HS3ST2: variants seen among roughly 807,000 people sequenced by gnomAD.
HS3ST2 encodes the protein heparan sulfate-glucosamine 3-sulfotransferase 2.
HS3ST2 carries 17 observed loss-of-function variants against 26.3 expected under a neutral mutation model. The ratio of observed to expected loss-of-function variants is 0.65; its 90% confidence interval spans 0.44 to 0.97. The LOEUF (loss-of-function observed/expected upper bound fraction) is 0.97, where lower values mean the gene tolerates loss of function less well. Ranked by LOEUF, HS3ST2 falls within the 50% of genes least tolerant of loss-of-function variation. HS3ST2 has a pLI of 0.00. For synonymous variants in HS3ST2, 237 were observed against 219.2 expected (o/e 1.08, Z -0.72); for missense variants, 402 against 501.2 (o/e 0.80, Z 1.89).
chr16:22,872,771 C>T (rs1198752151), intron 1 of HS3ST2, among the ~76,000 whole-genome samples: 1 of 152,142 alleles, frequency 6.6e-6, no homozygotes, highest in Non-Finnish European at 1.5e-5. Context: ...TAACATCATC[C>T]CAGAGAACCC....
At chr16:22,861,846 G>A (rs1901678967) in intron 1 of HS3ST2, among the ~76,000 whole-genome samples, 1 of 152,074 alleles carries the variant, frequency 6.6e-6, no homozygotes, top group Admixed American at 6.6e-5. Context: ...CCGCTTCCCT[G>A]CCTCGGGACC....
chr16:22,827,673 T>A (rs1047624030), intron 1 of HS3ST2, among the ~76,000 whole-genome samples: 31 of 151,566 alleles, frequency 2.0e-4, no homozygotes, highest in Non-Finnish European at 4.3e-4. Flanking sequence ...GTGTTGCTGC[T>A]GAGGTTGATG....
At chr16:22,909,380 G>A (rs193116845) in intron 1 of HS3ST2, among the ~76,000 whole-genome samples, 1 of 152,332 alleles carries the variant, frequency 6.6e-6, no homozygotes, top group Admixed American at 6.5e-5. Flanking sequence ...TAAAAGGGTT[G>A]CAGGGTGAGA....
intron 1 of HS3ST2, 67 bp downstream of exon 1, chr16:22,815,162 C>T: frequency 1.3e-6 from 2 of 1,578,544 alleles, no homozygotes; most frequent in African/African-American, 1.4e-5. Context: ...AGCCATCCGT[C>T]TCTTGTGTTT....
At chr16:22,856,576 A>T (rs961548706) in intron 1 of HS3ST2, among the ~76,000 whole-genome samples, 1 of 151,980 alleles carries the variant, frequency 6.6e-6, no homozygotes, top group Non-Finnish European at 1.5e-5. Context: ...CCACTAAGAA[A>T]CCCAACTCTC....
Position 22,875,369 on chromosome 16 carries a change from A to AATTTATTTATTTATTT in HS3ST2, c.486-39561_486-39546dup, listed in dbSNP as rs538593972. 4.6e-4 allele frequency among the ~76,000 whole-genome samples: 70 copies of AATTTATTTATTTATTT among 151,608 alleles called. 1 individual carries two copies. Among genetic ancestry groups the AATTTATTTATTTATTT allele is most frequent in the East Asian group, 1.5e-3 (8 of 5,164 alleles). On this transcript the variant is annotated intron_variant, in intron 1 of 1. Transcript: ENST00000261374. Reference sequence around the variant, plus strand: ...TGAAGACAGAAAAATACTTTTAATAAATTTATTTATTTATTTATTTATTTA... The same window carrying AATTTATTTATTTATTT: ...TGAAGACAGAAAAATACTTTTAATAAATTTATTTATTTATTTATTTATTTATTTATTTATTTATTTA...
intron 1 of HS3ST2, among the ~76,000 whole-genome samples, chr16:22,881,366 A>G (rs1190717735): frequency 6.6e-6 from 1 of 152,146 alleles, no homozygotes; most frequent in East Asian, 1.9e-4. Flanking sequence ...AGGAGGAGAC[A>G]GGGCTGAGTC....
At chr16:22,860,564 G>A (rs1035050881) in intron 1 of HS3ST2, among the ~76,000 whole-genome samples, 3 of 151,978 alleles carry the variant, frequency 2.0e-5, no homozygotes, top group Non-Finnish European at 4.4e-5. Flanking sequence ...TGCTTTTGGG[G>A]AAGGAGTCTG....
intron 1 of HS3ST2, among the ~76,000 whole-genome samples, chr16:22,910,642 T>C (rs1421585780): frequency 4.6e-5 from 7 of 152,232 alleles, no homozygotes; most frequent in Non-Finnish European, 7.3e-5. Flanking sequence ...ACAAATGCTA[T>C]TAATTGTCCT....
chr16:22,912,937 C>A (rs1253047892), intron 1 of HS3ST2, among the ~76,000 whole-genome samples: 1 of 151,982 alleles, frequency 6.6e-6, no homozygotes, highest in African/African-American at 2.4e-5. Context: ...GCCCTGCCTC[C>A]GGAGTCTAGA....
At chr16:22,876,652 T>C (rs1369949264) in intron 1 of HS3ST2, among the ~76,000 whole-genome samples, 7 of 152,076 alleles carry the variant, frequency 4.6e-5, no homozygotes, top group African/African-American at 1.4e-4. Context: ...GAAAAAGAAG[T>C]CATCATATGA....
chr16:22,893,015 A>T (rs547099193), intron 1 of HS3ST2, among the ~76,000 whole-genome samples: 12 of 152,204 alleles, frequency 7.9e-5, no homozygotes, highest in Non-Finnish European at 1.8e-4. Flanking sequence ...TAAAGTTTTA[A>T]TTGAGTTGTC....
Position 22,814,886 on chromosome 16 carries a change from C to A in HS3ST2, c.276C>A (p.Ala92=). The A allele has an allele frequency of 6.4e-7, 1 of 1,562,560 alleles. No homozygotes were observed. Among genetic ancestry groups the A allele is most frequent in the Non-Finnish European group, 8.7e-7 (1 of 1,154,450 alleles). Residue 92 remains alanine (A), a synonymous_variant, in exon 1 of 2, where the codon GCC becomes GCA. Coordinates refer to ENST00000261374, the MANE Select transcript of HS3ST2 (RefSeq NM_006043.2). The stretch of plus-strand genomic sequence containing the variant: ...GCGCTCCCAGCGCGCCCGCCGCCGC[C>A]GTGCCCGCCCCTCGCCTCTCCGGTT... ...EPSAPSAPAA[A]VPAPRLSGSN... is the part of the protein sequence containing the mutation.
intron 1 of HS3ST2, among the ~76,000 whole-genome samples, chr16:22,858,386 T>C (rs1195767566): frequency 6.6e-6 from 1 of 151,528 alleles, no homozygotes; most frequent in Non-Finnish European, 1.5e-5. Flanking sequence ...TCAAAAAAGA[T>C]GTACAAGCAT....
chr16:22,907,461 C>T (rs1196590142), intron 1 of HS3ST2, among the ~76,000 whole-genome samples: 2 of 152,074 alleles, frequency 1.3e-5, no homozygotes, highest in African/African-American at 4.8e-5. Flanking sequence ...AATCTGTGGT[C>T]TGAGGAAGAG....
chr16:22,882,404 T>C lies in HS3ST2; in HGVS notation c.486-32540T>C, dbSNP rs570949222. On this transcript the variant is annotated intron_variant, in intron 1 of 1. Transcript: ENST00000261374. ...TATACATAGGGTTTCCAAGAGAACC[T>C]TGGAGATCAGTGAGGGAGTGAACTT... Among the ~76,000 whole-genome samples, 6 of 152,154 alleles carry C rather than the reference T, an allele frequency of 3.9e-5. No individual in the cohort carries two copies. In the East Asian group the frequency reaches 9.7e-4, roughly 24 times the overall value.
At chr16:22,894,586 A>C (rs879368907) in intron 1 of HS3ST2, among the ~76,000 whole-genome samples, 1 of 151,958 alleles carries the variant, frequency 6.6e-6, no homozygotes, top group Non-Finnish European at 1.5e-5. Flanking sequence ...CTCTTTCCTA[A>C]GTCCAATGCC....
chr16:22,849,097 T>C (rs73543176), intron 1 of HS3ST2, among the ~76,000 whole-genome samples: 8,147 of 152,202 alleles, frequency 0.054, 467 homozygotes, highest in African/African-American at 0.14. Context: ...ACGGGAATGA[T>C]CTTCCGTGTG....
chr16:22,888,678 C>T (rs527752372), intron 1 of HS3ST2, among the ~76,000 whole-genome samples: 45 of 152,132 alleles, frequency 3.0e-4, no homozygotes, highest in South Asian at 2.9e-3. Flanking sequence ...TGCCACCGCG[C>T]CTGGCTCCGT....
Sources: allele counts gnomAD v4.1 joint callset (sites outside exome capture counted in the v4.1 genomes callset), GRCh38; gene constraint gnomAD v4.1.1; transcripts MANE v1.5; gene names NCBI Gene and HGNC (gene_info 2026-07-23, HGNC 2026-07-21).